SNRPN: variants seen among roughly 807,000 people sequenced by gnomAD.
The protein encoded by SNRPN is small nuclear ribonucleoprotein polypeptide N, also known as small nuclear ribonucleoprotein-associated protein N.
SNRPN carries 7 observed loss-of-function variants against 25.2 expected under a neutral mutation model. That is an observed-to-expected ratio of 0.28 (90% CI 0.16 to 0.52). The LOEUF (loss-of-function observed/expected upper bound fraction) is 0.52. Ranked by LOEUF, SNRPN falls within the 20% of genes least tolerant of loss-of-function variation. The probability of loss-of-function intolerance (pLI) is 0.96; values close to 1 mark genes in which losing one functional copy is unlikely to be tolerated. For synonymous variants in SNRPN, 124 were observed against 110.6 expected (o/e 1.12, Z -0.76); for missense variants, 196 against 322.5 (o/e 0.61, Z 3.00).
rs1381461681 is a variant in SNRPN, at chr15:24,976,327, G to C, written c.178G>C (p.Glu60Gln). 6.2e-7 allele frequency: 1 copy of C among 1,613,602 alleles called. No homozygotes were observed. Among genetic ancestry groups the C allele is most frequent in the Non-Finnish European group, 8.5e-7 (1 of 1,179,936 alleles). The change falls in exon 6 of 10, where the codon GAG becomes CAG. Residue 60 changes from glutamate (E) to glutamine (Q), a missense_variant. By Grantham distance (29) the Glu-to-Gln change is conservative. Transcript: ENST00000390687. ...TAGGCCAAAGAATGCGAAGCAACCA[G>C]AGCGTGAAGAAAAGCGGGTTTTGGG... ...KIKPKNAKQP[E>Q]REEKRVLGLV...
chr15:24,937,068 C>T (rs1325928522), intron 3 of SNRPN, among the ~76,000 whole-genome samples: 1 of 151,906 alleles, frequency 6.6e-6, no homozygotes, highest in Non-Finnish European at 1.5e-5. Context: ...CGTGGTGAAA[C>T]TCTCTCTACT....
chr15:24,972,912 G>T (rs1348691715), intron 3 of SNRPN, among the ~76,000 whole-genome samples: 12 of 151,402 alleles, frequency 7.9e-5, no homozygotes, highest in Non-Finnish European at 1.8e-4. Flanking sequence ...CCCTGAGATG[G>T]AGTCTTGCTC....
chr15:24,860,989 G>A (rs2053936009), intron 1 of SNRPN, among the ~76,000 whole-genome samples: 1 of 152,084 alleles, frequency 6.6e-6, no homozygotes, highest in South Asian at 2.1e-4. Flanking sequence ...GGTTGTTGCA[G>A]GGTGGCTGTG....
At chr15:24,959,055 T>C (rs560453220) in intron 1 of SNRPN, among the ~76,000 whole-genome samples, 6 of 152,334 alleles carry the variant, frequency 3.9e-5, no homozygotes, top group Middle Eastern at 3.4e-3. Flanking sequence ...CTTAGTTAAA[T>C]TTTATGGAAA....
chr15:24,909,000 G>A, intron 2 of SNRPN: 1 of 1,417,434 alleles, frequency 7.1e-7, no homozygotes, highest in Non-Finnish European at 9.9e-7. Context: ...TCCTTCTTCT[G>A]AGCAAGGGAC....
At chr15:24,838,572 G>A (rs2051419224) in intron 2 of SNRPN, among the ~76,000 whole-genome samples, 1 of 151,902 alleles carries the variant, frequency 6.6e-6, no homozygotes, top group Non-Finnish European at 1.5e-5. Context: ...CCCCTCCCTG[G>A]GTCTCAGATC....
In SNRPN at chr15:24,973,138, C is replaced by G. The variant is rs1036965711; in HGVS notation, c.-143-1173C>G. ...TCTTGACCTCAGGTGATCCGCCCAC[C>G]TCGGTTTCCCAAAGTGTTGGGATTA... On this transcript the variant is annotated intron_variant, in intron 3 of 9. Transcript: ENST00000390687. Among the ~76,000 whole-genome samples the G allele has an allele frequency of 5.3e-5, 8 of 152,234 alleles. No homozygotes were observed. In the East Asian group the frequency reaches 1.6e-3, roughly 30 times the overall value.
intron 2 of SNRPN, among the ~76,000 whole-genome samples, chr15:24,837,370 ATTTT>A (rs34338870): frequency 6.8e-6 from 1 of 146,170 alleles, no homozygotes. Flanking sequence ...GGGGCTACAG[ATTTT>A]TTTTTTTTTT....
chr15:24,942,896 C>T (rs1360668148), intron 3 of SNRPN, among the ~76,000 whole-genome samples: 1 of 152,106 alleles, frequency 6.6e-6, no homozygotes, highest in Admixed American at 6.6e-5. Flanking sequence ...ATGGCCACTT[C>T]GTTTATAATC....
At chr15:24,888,439 TG>T (rs2057377618) in intron 2 of SNRPN, among the ~76,000 whole-genome samples, 1 of 152,204 alleles carries the variant, frequency 6.6e-6, no homozygotes, top group Non-Finnish European at 1.5e-5. Flanking sequence ...TCTTAACATA[TG>T]TATTCCTACA....
intron 1 of SNRPN, among the ~76,000 whole-genome samples, chr15:24,860,344 G>A (rs1398127298): frequency 6.6e-6 from 1 of 152,038 alleles, no homozygotes; most frequent in Non-Finnish European, 1.5e-5. Context: ...TATTTATTTA[G>A]TGAAGAAAAG....
At chr15:24,956,354 C>CGGGT (rs1555404319) in intron 1 of SNRPN, among the ~76,000 whole-genome samples, 2 of 138,158 alleles carry the variant, frequency 1.4e-5, no homozygotes, top group South Asian at 2.2e-4. Flanking sequence ...AGCGCTTCAG[C>CGGGT]GGGGGGGTGG....
intron 2 of SNRPN, among the ~76,000 whole-genome samples, chr15:24,848,206 C>T (rs1409838901): frequency 1.7e-5 from 1 of 58,124 alleles, no homozygotes; most frequent in East Asian, 4.4e-4. Context: ...GGTCACAGGA[C>T]GGAGCTGGGG....
intron 1 of SNRPN, among the ~76,000 whole-genome samples, chr15:24,867,519 C>T (rs1049681933): frequency 7.5e-3 from 961 of 128,324 alleles, no homozygotes; most frequent in Non-Finnish European, 8.3e-3. Context: ...GGACTACAGG[C>T]GCCCGCCACC....
chr15:24,910,826 G>A (rs2059166194), intron 2 of SNRPN: 2 of 537,646 alleles, frequency 3.7e-6, no homozygotes, highest in South Asian at 5.6e-5. Context: ...TATCCAAAAT[G>A]TGTTTATTGA....
chr15:24,897,194 C>T (rs923717088), intron 2 of SNRPN, among the ~76,000 whole-genome samples: 3 of 152,138 alleles, frequency 2.0e-5, no homozygotes, highest in Admixed American at 1.3e-4. Context: ...AGGCCACTGA[C>T]ACCTTGACTG....
At chr15:24,923,933 T>A (rs1410337234) in intron 3 of SNRPN, among the ~76,000 whole-genome samples, 15 of 138,078 alleles carry the variant, frequency 1.1e-4, no homozygotes, top group Non-Finnish European at 2.0e-4. Flanking sequence ...ATTTTTTTTT[T>A]TTTTTTTTTT....
intron 2 of SNRPN, among the ~76,000 whole-genome samples, chr15:24,965,861 CATT>C (rs1218937117): frequency 6.7e-6 from 1 of 148,794 alleles, no homozygotes; most frequent in Non-Finnish European, 1.5e-5. Flanking sequence ...TTCAAGATAA[CATT>C]ATATATATTT....
chr15:24,910,244 G>A (rs2059125398), intron 2 of SNRPN, among the ~76,000 whole-genome samples: 1 of 152,138 alleles, frequency 6.6e-6, no homozygotes, highest in Non-Finnish European at 1.5e-5. Context: ...TCTAAGCCAA[G>A]TTTTCAGGGT....
Sources: gnomAD v4.1 joint callset for allele counts (sites outside exome capture counted in the v4.1 genomes callset) on GRCh38, gnomAD v4.1.1 for gene constraint, MANE v1.5 for transcripts, NCBI Gene and HGNC (gene_info 2026-07-23, HGNC 2026-07-21) for gene names.